The following SHROOM3 variants were observed in gnomAD, a reference collection of about 807,000 sequenced individuals.
SHROOM3 encodes protein Shroom3.
A neutral mutation model predicts 138.6 loss-of-function variants in SHROOM3; 47 were observed. The ratio of observed to expected loss-of-function variants is 0.34; its 90% CI spans 0.27 to 0.43. The LOEUF is 0.43. Among genes scored for constraint, SHROOM3 ranks in the 20% least tolerant of loss-of-function variants. The probability of loss-of-function intolerance (pLI) is 1.00; values close to 1 mark genes in which losing one functional copy is unlikely to be tolerated. For missense variants in SHROOM3, 2,491 were observed against 2,596.5 expected (o/e 0.96, Z 0.88); for synonymous variants, 1,062 against 1,063.3 (o/e 1.00, Z 0.02).
chr4:76,539,932 C>T (rs1249113830), intron 1 of SHROOM3, among the ~76,000 whole-genome samples: 1 of 152,212 alleles, frequency 6.6e-6, no homozygotes, highest in Admixed American at 6.5e-5. Context: ...ACTGCAACTT[C>T]CATCTTCCGG....
intron 2 of SHROOM3, among the ~76,000 whole-genome samples, chr4:76,574,706 G>GA (rs1260823634): frequency 6.6e-6 from 1 of 152,184 alleles, no homozygotes; most frequent in African/African-American, 2.4e-5. Context: ...TATGCTAAGT[G>GA]AAATAAGCCA....
rs1730560781 is a variant in SHROOM3 at position 76,436,205 on chromosome 4, A to G, written c.153A>G (p.Pro51=). The G allele has an allele frequency of 1.9e-6, 3 of 1,614,046 alleles. No homozygotes were observed. Among genetic ancestry groups the G allele is most frequent in the Non-Finnish European group, 2.5e-6 (3 of 1,179,900 alleles). ...TLKGGLEHGE[P]LIISKVEEGG... is the part of the protein sequence containing the mutation. Reference sequence around the variant, plus strand: ...AGGGTGGCCTGGAGCACGGAGAACCATTAATCATCTCTAAGGTATGTTTCT... The same window carrying G: ...AGGGTGGCCTGGAGCACGGAGAACCGTTAATCATCTCTAAGGTATGTTTCT... Residue 51 remains proline, a synonymous_variant, in exon 1 of 11, where the codon CCA becomes CCG. Coordinates refer to ENST00000296043, the MANE Select transcript of SHROOM3 (RefSeq NM_020859.4).
chr4:76,502,201 C>T (rs1379676561), intron 1 of SHROOM3, among the ~76,000 whole-genome samples: 1 of 152,182 alleles, frequency 6.6e-6, no homozygotes, highest in Non-Finnish European at 1.5e-5. Flanking sequence ...GATGCAGCCC[C>T]TACACCGTGG....
intron 2 of SHROOM3, among the ~76,000 whole-genome samples, chr4:76,587,717 G>T (rs374977067): frequency 6.6e-6 from 1 of 152,218 alleles, no homozygotes. Context: ...AAAAGCACCA[G>T]AAATGGCATT....
rs769127601 is a variant in SHROOM3 at position 76,740,577 on chromosome 4, G to A, written c.2404G>A (p.Gly802Ser). 10 of 1,614,132 alleles carry A rather than the reference G, an allele frequency of 6.2e-6. No homozygotes were observed. Among genetic ancestry groups the A allele is most frequent in the Non-Finnish European group, 8.5e-6 (10 of 1,180,034 alleles). The change falls in exon 5 of 11, where the codon GGC becomes AGC. Residue 802 changes from glycine (G) to serine (S), a missense_variant. By Grantham distance (56) the Gly-to-Ser change is moderately conservative. This residue lies in a region of SHROOM3 where 1,733 missense variants were observed against 1,661.6 expected (regional missense o/e 1.04). Transcript: ENST00000296043. This position sits in a 1 kb window ranked among gnomAD's most constrained non-coding sequence, Gnocchi z 4.0. Reference protein sequence around the residue: ...EQGSQRPSVGGSGFGHNYRPH... With the variant: ...EQGSQRPSVGSSGFGHNYRPH... ...AGGGAGCCAGAGACCGAGTGTGGGC[G>A]GCTCTGGTTTTGGCCATAACTATAG...
At chr4:76,693,979 A>AAAC (rs1553937796) in intron 2 of SHROOM3, among the ~76,000 whole-genome samples, 7 of 151,622 alleles carry the variant, frequency 4.6e-5, no homozygotes, top group South Asian at 2.1e-4. Flanking sequence ...TAGAAAAAAA[A>AAAC]AACAAAACTC....
At chr4:76,693,477 G>A (rs533817070) in intron 2 of SHROOM3, among the ~76,000 whole-genome samples, 1,489 of 145,262 alleles carry the variant, frequency 0.01, 8 homozygotes, top group Non-Finnish European at 0.017. Flanking sequence ...TCCACCTCCC[G>A]GGTTCAAGCG....
intron 2 of SHROOM3, among the ~76,000 whole-genome samples, chr4:76,708,368 T>C (rs2110116505): frequency 7.0e-6 from 1 of 143,570 alleles, no homozygotes; most frequent in Non-Finnish European, 1.5e-5. Context: ...CAGTCTCTGG[T>C]GCCCAAGACA....
intron 2 of SHROOM3, among the ~76,000 whole-genome samples, chr4:76,602,873 A>T (rs1157722917): frequency 6.6e-6 from 1 of 152,186 alleles, no homozygotes; most frequent in Non-Finnish European, 1.5e-5. Context: ...CAAAATGAGG[A>T]TAACAGTCAT....
At chr4:76,551,963 G>T (rs1002633721) in intron 1 of SHROOM3, among the ~76,000 whole-genome samples, 1 of 149,562 alleles carries the variant, frequency 6.7e-6, no homozygotes. Flanking sequence ...CTGGGTTCAC[G>T]CCATTCTCCT....
Position 76,630,861 on chromosome 4 carries a change from CT to C in SHROOM3, c.323+75100del, listed in dbSNP as rs565957433. ...AATTTACCCCAAGTGCCAGCACTTT[CT>C]TAGCTATTGTGAATTATGTGGATGG... On this transcript the variant is annotated intron_variant, in intron 2 of 10. Coordinates refer to ENST00000296043, the MANE Select transcript of SHROOM3 (RefSeq NM_020859.4). Among the ~76,000 whole-genome samples the C allele has an allele frequency of 1.5e-3, 223 of 152,280 alleles. 5 individuals are homozygous for C. Among genetic ancestry groups the C allele is most frequent in the African/African-American group, 5.1e-3 (212 of 41,554 alleles).
intron 1 of SHROOM3, among the ~76,000 whole-genome samples, chr4:76,507,663 C>T (rs934573634): frequency 1.3e-4 from 19 of 151,888 alleles, no homozygotes; most frequent in African/African-American, 3.4e-4. Context: ...CAGCCCCTCC[C>T]GAGTAGCTGG....
chr4:76,609,404 T>A (rs772580089), intron 2 of SHROOM3, among the ~76,000 whole-genome samples: 3 of 152,212 alleles, frequency 2.0e-5, no homozygotes, highest in Non-Finnish European at 2.9e-5. Context: ...TGCTTCAGCC[T>A]CCTGGGTAGC....
chr4:76,521,471 A>G (rs1196454689), intron 1 of SHROOM3, among the ~76,000 whole-genome samples: 1 of 152,248 alleles, frequency 6.6e-6, no homozygotes, highest in Non-Finnish European at 1.5e-5. Flanking sequence ...TCAGTAAGAC[A>G]TAATTTGCTT....
intron 1 of SHROOM3, among the ~76,000 whole-genome samples, chr4:76,485,534 G>A (rs1731711548): frequency 6.6e-6 from 1 of 152,128 alleles, no homozygotes; most frequent in Admixed American, 6.6e-5. Flanking sequence ...CACAAAACAG[G>A]AAGTAGTAGT....
intron 8 of SHROOM3, among the ~76,000 whole-genome samples, chr4:76,757,363 C>T (rs1444412070): frequency 6.6e-6 from 1 of 152,134 alleles, no homozygotes; most frequent in African/African-American, 2.4e-5. Flanking sequence ...TGATCACAGC[C>T]CCATGACTGT....
chr4:76,517,188 T>G (rs1356736976), intron 1 of SHROOM3, among the ~76,000 whole-genome samples: 4 of 152,172 alleles, frequency 2.6e-5, no homozygotes, highest in Non-Finnish European at 5.9e-5. Context: ...ACATGGAAAA[T>G]GTCTGCCAGA....
intron 6 of SHROOM3, among the ~76,000 whole-genome samples, chr4:76,751,181 A>G (rs778406505): frequency 8.5e-5 from 13 of 152,300 alleles, no homozygotes; most frequent in Non-Finnish European, 1.0e-4. Flanking sequence ...AAAGGCTTGC[A>G]TGGTCTTTTA....
chr4:76,569,599 T>C (rs1733794027), intron 2 of SHROOM3, among the ~76,000 whole-genome samples: 1 of 152,206 alleles, frequency 6.6e-6, no homozygotes. Context: ...TGGTAGGAAA[T>C]GGATAATTTG....
Sources: allele counts gnomAD v4.1 joint callset (sites outside exome capture counted in the v4.1 genomes callset), GRCh38; gene constraint gnomAD v4.1.1; regional missense constraint gnomAD v4.1.1; non-coding constraint Gnocchi (gnomAD v3.1); transcripts MANE v1.5; gene names NCBI Gene and HGNC (gene_info 2026-07-23, HGNC 2026-07-21).